Variants in CDCA8 observed in about 807,000 individuals in gnomAD.
The protein encoded by CDCA8 is borealin.
Under a neutral mutation model 40.0 loss-of-function variants are expected in CDCA8, and 25 were observed. The ratio of observed to expected loss-of-function variants is 0.63; its 90% CI spans 0.46 to 0.87. The LOEUF is 0.87. CDCA8 is among the 40% of genes least tolerant of loss of function. The pLI is 0.00. For missense variants in CDCA8, 280 were observed against 348.4 expected (o/e 0.80, Z 1.56); for synonymous variants, 111 against 126.5 (o/e 0.88, Z 0.82).
chr1:37,706,063 C>T (rs1439651363), intron 8 of CDCA8, among the ~76,000 whole-genome samples: 4 of 149,514 alleles, frequency 2.7e-5, no homozygotes, highest in East Asian at 2.0e-4. Flanking sequence ...CCCTCCTCGG[C>T]GTCCCAAAGT....
chr1:37,708,256 G>T, intron 9 of CDCA8, 66 bp from the exon 10 acceptor site: 2 of 1,425,244 alleles, frequency 1.4e-6, no homozygotes, highest in African/African-American at 1.4e-5. Flanking sequence ...GGCTGACTGT[G>T]GGAGGCCAAG....
At position 37,692,778 on chromosome 1, in the gene CDCA8, C is replaced by G; in HGVS notation, c.88C>G (p.Arg30Gly). 1 of 1,613,626 alleles carries G rather than the reference C, an allele frequency of 6.2e-7. No homozygotes were observed. The highest frequency in any genetic ancestry group is 8.5e-7 in the Non-Finnish European group (1 of 1,179,934). ...KLASFLKDFD[R>G]EVEIRIKQIE... Reference sequence around the variant, plus strand: ...CGCCTCCTTTCTGAAAGACTTCGACCGTGAAGGTAAGGGGCCAGGCCGTCG... The same window carrying G: ...CGCCTCCTTTCTGAAAGACTTCGACGGTGAAGGTAAGGGGCCAGGCCGTCG... The change falls in exon 1 of 10, where the codon CGT (arginine) becomes GGT (glycine). Residue 30 changes from arginine to glycine, a missense_variant. Arg to Gly is a moderately radical substitution (Grantham distance 125). Coordinates refer to ENST00000373055, the MANE Select transcript of CDCA8 (RefSeq NM_001256875.2).
At chr1:37,695,841 T>C in intron 2 of CDCA8, 69 bp from the exon 3 acceptor site, 5 of 1,410,382 alleles carry the variant, frequency 3.5e-6, no homozygotes, top group Non-Finnish European at 5.0e-6. Flanking sequence ...TTTAGAAAGA[T>C]AAATGGTACT....
At position 37,696,003 on chromosome 1, in the gene CDCA8, C is replaced by T; in HGVS notation, c.264+53C>T. 6.7e-7 allele frequency: 1 copy of T among 1,493,742 alleles called. No homozygotes were observed. The highest frequency in any genetic ancestry group is 9.3e-7 in the Non-Finnish European group (1 of 1,072,274). The allele number at this position is 1,493,742 out of a possible 1,614,324, so 92.5% of individuals were successfully genotyped here. A position where few individuals can be genotyped will look rare whatever the true frequency, so the allele number is the denominator to read the frequency against. On this transcript the variant is annotated intron_variant, in intron 3 of 9. Coordinates refer to ENST00000373055, the MANE Select transcript of CDCA8 (RefSeq NM_001256875.2). This position sits in a 1 kb window ranked among gnomAD's most constrained non-coding sequence, Gnocchi z 5.0. ...AGTGGTTACTTAAGTCTAGTCCAGT[C>T]CCCAGATCCAACTAATAGATGCTTA...
intron 6 of CDCA8, 143 bp from the exon 7 acceptor site, chr1:37,703,109 C>T (rs756610531): frequency 1.3e-5 from 9 of 705,320 alleles, no homozygotes; most frequent in South Asian, 3.2e-5. Flanking sequence ...GCTGGCCTCC[C>T]GTGTTAGAAG....
chr1:37,705,591 A>G (rs2148290665), intron 8 of CDCA8, 24 bp downstream of exon 8: 1 of 1,611,074 alleles, frequency 6.2e-7, no homozygotes, highest in East Asian at 2.2e-5. Context: ...AAGGGAAGCC[A>G]GGCCACAGTG....
intron 5 of CDCA8, among the ~76,000 whole-genome samples, chr1:37,701,128 G>C (rs1162322450): frequency 2.0e-5 from 3 of 152,166 alleles, no homozygotes. Flanking sequence ...CTGGAGCTCA[G>C]GGAGAAGAGG....
chr1:37,694,448 G>C (rs1270190848), intron 2 of CDCA8, among the ~76,000 whole-genome samples: 1 of 152,174 alleles, frequency 6.6e-6, no homozygotes, highest in Non-Finnish European at 1.5e-5. Flanking sequence ...AGATGCACTA[G>C]GGAATAAAAC....
chr1:37,702,266 C>T (rs530247108), intron 6 of CDCA8, among the ~76,000 whole-genome samples: 166 of 151,594 alleles, frequency 1.1e-3, no homozygotes, highest in Admixed American at 4.0e-3. Context: ...CTTGAACCCC[C>T]GACCTCAGGT....
chr1:37,704,154 C>T (rs1201476861), intron 7 of CDCA8, among the ~76,000 whole-genome samples: 3 of 151,952 alleles, frequency 2.0e-5, no homozygotes, highest in African/African-American at 4.8e-5. Flanking sequence ...AGGCTGGTCT[C>T]GAACTCCTGA....
chr1:37,699,126 G>C, intron 4 of CDCA8, 149 bp downstream of exon 4: 2 of 579,356 alleles, frequency 3.5e-6, no homozygotes, highest in South Asian at 2.4e-5. Flanking sequence ...GCTTTTGGAT[G>C]GTGCATTTAG....
At chr1:37,707,091 T>A in intron 9 of CDCA8, 27 bp downstream of exon 9, 2 of 1,548,718 alleles carry the variant, frequency 1.3e-6, no homozygotes, top group Admixed American at 3.3e-5. Flanking sequence ...TCTCCACACA[T>A]AGGATGCCTC....
intron 2 of CDCA8, among the ~76,000 whole-genome samples, chr1:37,693,794 A>G (rs1303835782): frequency 6.6e-6 from 1 of 152,222 alleles, no homozygotes; most frequent in Non-Finnish European, 1.5e-5. Context: ...AGATAGAAGA[A>G]TAACCCGAAG....
intron 7 of CDCA8, among the ~76,000 whole-genome samples, 156 bp downstream of exon 7, chr1:37,703,503 G>A (rs1645579178): frequency 6.6e-6 from 1 of 152,168 alleles, no homozygotes; most frequent in Non-Finnish European, 1.5e-5. Context: ...ATCACTTGAG[G>A]TCAGGAGTTC....
At position 37,708,560 on chromosome 1, in the gene CDCA8, C is replaced by T; in HGVS notation, c.*194C>T. On this transcript the variant is annotated 3_prime_UTR_variant, in exon 10 of 10. Transcript: ENST00000373055. ...CTGTCTGTTCACCCTCCCATCCCAG[C>T]TGATCCCAGTCACTGCTTGCTGGGG... 1.7e-6 allele frequency: 1 copy of T among 600,530 alleles called. No individual in the cohort carries two copies. Among genetic ancestry groups the T allele is most frequent in the Admixed American group, 2.7e-5 (1 of 36,588 alleles). 37.2% of individuals were successfully genotyped at this position (600,530 alleles called of 1,614,324 possible). A position where few individuals can be genotyped will look rare whatever the true frequency, so the allele number is the denominator to read the frequency against.
In CDCA8 at chr1:37,696,558, C is replaced by T. The variant is rs1481438066; in HGVS notation, c.264+608C>T. Among the ~76,000 whole-genome samples, 1 of 152,186 alleles carries T rather than the reference C, an allele frequency of 6.6e-6. No homozygotes were observed. Among genetic ancestry groups the T allele is most frequent in the Non-Finnish European group, 1.5e-5 (1 of 68,042 alleles). On this transcript the variant is annotated intron_variant, in intron 3 of 9. Transcript: ENST00000373055. This position sits in a 1 kb window ranked among gnomAD's most constrained non-coding sequence, Gnocchi z 5.0. Reference sequence around the variant, plus strand: ...ACCTACATATGACTAGTAGCTACTCCATCAGAGAGCACAGAAATAGAACAT... The same window carrying T: ...ACCTACATATGACTAGTAGCTACTCTATCAGAGAGCACAGAAATAGAACAT...
chr1:37,692,767 A>G lies in CDCA8; in HGVS notation c.77A>G (p.Lys26Arg). 1 of 1,613,516 alleles carries G rather than the reference A, an allele frequency of 6.2e-7. No homozygotes were observed. Among genetic ancestry groups the G allele is most frequent in the East Asian group, 2.2e-5 (1 of 44,844 alleles). Residue 26 changes from lysine to arginine, a missense_variant, in exon 1 of 10, where the codon AAA becomes AGA. Transcript: ENST00000373055. ...AGGCGGAAGCTCGCCTCCTTTCTGA[A>G]AGACTTCGACCGTGAAGGTAAGGGG... Reference protein sequence around the residue: ...LRRRKLASFLKDFDREVEIRI... With the variant: ...LRRRKLASFLRDFDREVEIRI...
At chr1:37,693,733 T>C (rs889256782) in intron 2 of CDCA8, among the ~76,000 whole-genome samples, 1 of 152,198 alleles carries the variant, frequency 6.6e-6, no homozygotes, top group African/African-American at 2.4e-5. Flanking sequence ...ATGTATATTT[T>C]ACCCATTTAA....
intron 3 of CDCA8, among the ~76,000 whole-genome samples, chr1:37,697,129 T>C (rs1473476176): frequency 6.6e-6 from 1 of 152,180 alleles, no homozygotes. Flanking sequence ...CTAATATGAT[T>C]TAAAACTCCA....
Sources: gnomAD v4.1 joint callset for allele counts (sites outside exome capture counted in the v4.1 genomes callset) on GRCh38, gnomAD v4.1.1 for gene constraint, Gnocchi (gnomAD v3.1) non-coding constraint, MANE v1.5 for transcripts, NCBI Gene and HGNC (gene_info 2026-07-23, HGNC 2026-07-21) for gene names.